Variants in HDAC7 observed in about 807,000 individuals in gnomAD.
HDAC7 encodes histone deacetylase 7A.
Under a neutral mutation model 115.5 loss-of-function variants are expected in HDAC7, and 26 were observed. The observed-to-expected ratio is 0.23, with a 90% CI of 0.16 to 0.31. The LOEUF is 0.31. Ranked by LOEUF, HDAC7 falls within the 10% of genes least tolerant of loss-of-function variation. The pLI, the probability that HDAC7 is intolerant of heterozygous loss-of-function variation, is 1.00. For missense variants in HDAC7, 1,068 were observed against 1,329.0 expected, an observed-to-expected ratio of 0.80 and a Z score of 3.05; for synonymous variants, 564 against 550.9, an observed-to-expected ratio of 1.02 and a Z score of -0.33.
rs1318020160 is a variant in HDAC7, at chr12:47,803,241, A to G, written c.20-967T>C. Among the ~76,000 whole-genome samples, 1 of 152,188 alleles carries G rather than the reference A, an allele frequency of 6.6e-6. No individual in the cohort carries two copies. Among genetic ancestry groups the G allele is most frequent in the African/African-American group, 2.4e-5 (1 of 41,452 alleles). On this transcript the variant is annotated intron_variant, in intron 1 of 25. Transcript: ENST00000080059. This position sits in a 1 kb window ranked among gnomAD's most constrained non-coding sequence, Gnocchi z 4.0. The stretch of plus-strand genomic sequence containing the variant: ...GGGGACAGGAGGCCAGGAGACCCAG[A>G]GGCTGCCTGGACGGGGTACTGGGTG...
At chr12:47,785,681 T>TC in intron 23 of HDAC7, 71 bp downstream of exon 23, 1 of 1,525,304 alleles carries the variant, frequency 6.6e-7, no homozygotes, top group Non-Finnish European at 8.8e-7. Context: ...ATCTGCCTGC[T>TC]CCTTGGGTAG....
intron 1 of HDAC7, among the ~76,000 whole-genome samples, chr12:47,810,840 C>A (rs12826578): frequency 2.6e-4 from 25 of 95,352 alleles, no homozygotes; most frequent in Non-Finnish European, 5.5e-4. Flanking sequence ...CTCTCTCTCT[C>A]TCTCTCTATC....
In HDAC7 at chr12:47,798,475, TCCCACCTCA is replaced by T; in HGVS notation, c.349+78_349+86del. The stretch of plus-strand genomic sequence containing the variant: ...GCTCAGGCCCAGCTGGCTGCGGCCC[TCCCACCTCA>T]CCCCTCACAAGCCACACAGGCAGCC... On this transcript the variant is annotated intron_variant, in intron 4 of 25. Transcript: ENST00000080059. The surrounding 1 kb of genome is among the most constrained non-coding windows in gnomAD (Gnocchi z 4.3). The T allele has an allele frequency of 1.1e-5, 14 of 1,258,386 alleles. No individual in the cohort carries two copies. The highest frequency in any genetic ancestry group is 1.5e-5 in the Non-Finnish European group (13 of 872,864). The allele number at this position is 1,258,386 out of a possible 1,614,324, so 78.0% of individuals were successfully genotyped here. A position where few individuals can be genotyped will look rare whatever the true frequency, so the allele number is the denominator to read the frequency against.
At chr12:47,821,340 G>A (rs762483272), upstream of HDAC7, among the ~76,000 whole-genome samples, 1 of 152,114 alleles carries the variant, frequency 6.6e-6, no homozygotes, top group Non-Finnish European at 1.5e-5. Flanking sequence ...ATTCAGCGTG[G>A]GACTTCTTAC....
chr12:47,796,900 T>C, intron 7 of HDAC7, 117 bp downstream of exon 7: 1 of 1,196,506 alleles, frequency 8.4e-7, no homozygotes. Flanking sequence ...GACACCCCCA[T>C]GCAACCACGC....
chr12:47,802,427 A>G lies in HDAC7; in HGVS notation c.20-153T>C, dbSNP rs532197316. 495 of 1,545,330 alleles carry G rather than the reference A, an allele frequency of 3.2e-4. 2 individuals are homozygous for G. In the African/African-American group the frequency reaches 6.2e-3, roughly 19 times the overall value. ...CCACCAGAAGCTAATCAAAACGAGA[A>G]GACCCCACCCCATTCGACTCCTCCA... On this transcript the variant is annotated intron_variant, in intron 1 of 25. Coordinates refer to ENST00000080059, the MANE Select transcript of HDAC7 (RefSeq NM_015401.5).
chr12:47,797,471 C>G lies in HDAC7; in HGVS notation c.490G>C (p.Ala164Pro). The G allele has an allele frequency of 6.2e-7, 1 of 1,613,270 alleles. No homozygotes were observed. The highest frequency in any genetic ancestry group is 8.5e-7 in the Non-Finnish European group (1 of 1,179,546). The change falls in exon 6 of 26, where the codon GCC becomes CCC. Residue 164 changes from alanine to proline, a missense_variant. Ala to Pro is a conservative substitution (Grantham distance 27). This residue lies in a region of HDAC7 where 618 missense variants were observed against 701.5 expected (regional missense o/e 0.88). Transcript: ENST00000080059. This position sits in a 1 kb window ranked among gnomAD's most constrained non-coding sequence, Gnocchi z 5.5. The part of the protein sequence containing the change: ...RTLEPLETEG[A>P]TRSMLSSFLP... ...AAGCTGCTGAGCATGGAGCGGGTGG[C>G]TCCTTCCGTCTCCAGGGGCTCCAGG...
chr12:47,784,435 G>T, intron 24 of HDAC7: 1 of 611,138 alleles, frequency 1.6e-6, no homozygotes, highest in Non-Finnish European at 2.9e-6. Flanking sequence ...ACATGGCTGT[G>T]AGGGAGTCCT....
Position 47,795,099 on chromosome 12 carries a change from C to T in HDAC7, c.1284+85G>A, listed in dbSNP as rs772888030. On this transcript the variant is annotated intron_variant, in intron 11 of 25. Transcript: ENST00000080059. This position sits in a 1 kb window ranked among gnomAD's most constrained non-coding sequence, Gnocchi z 4.3. Reference sequence around the variant, plus strand: ...CCCTCTTTTGCCCTCCAGTTCCCTGCCCTTTCTAAGTACCCCTCTTCTTTT... The same window carrying T: ...CCCTCTTTTGCCCTCCAGTTCCCTGTCCTTTCTAAGTACCCCTCTTCTTTT... 4.4e-6 allele frequency: 6 copies of T among 1,356,516 alleles called. No individual in the cohort carries two copies. Among genetic ancestry groups the T allele is most frequent in the Non-Finnish European group, 6.2e-6 (6 of 971,668 alleles). The allele number at this position is 1,356,516 out of a possible 1,614,324, so 84.0% of individuals were successfully genotyped here.
chr12:47,793,610 G>A lies in HDAC7; in HGVS notation c.1459-22C>T. 6.6e-7 allele frequency: 1 copy of A among 1,512,946 alleles called. No homozygotes were observed. The highest frequency in any genetic ancestry group is 2.5e-5 in the East Asian group (1 of 40,358). The allele number at this position is 1,512,946 out of a possible 1,614,324, so 93.7% of individuals were successfully genotyped here. A position where few individuals can be genotyped will look rare whatever the true frequency, so the allele number is the denominator to read the frequency against. On this transcript the variant is annotated intron_variant, in intron 12 of 25. Transcript: ENST00000080059. The surrounding 1 kb of genome is among the most constrained non-coding windows in gnomAD (Gnocchi z 4.5). Reference sequence around the variant, plus strand: ...ACACCTAGGGGAAAGATGGGGCCTTGGTCTCCAGTGTTTCAGGGTCCTGCT... The same window carrying A: ...ACACCTAGGGGAAAGATGGGGCCTTAGTCTCCAGTGTTTCAGGGTCCTGCT...
Position 47,797,530 on chromosome 12 carries a change from G to T in HDAC7, c.462-31C>A. ...GAACGAGTGCCAAGGCTGCTTCAGAGGTGTGGGGACACTGCACGGGCACTG... is the reference window on the plus strand; with the variant it reads ...GAACGAGTGCCAAGGCTGCTTCAGATGTGTGGGGACACTGCACGGGCACTG... On this transcript the variant is annotated intron_variant, in intron 5 of 25. Coordinates refer to ENST00000080059, the MANE Select transcript of HDAC7 (RefSeq NM_015401.5). The surrounding 1 kb of genome is among the most constrained non-coding windows in gnomAD (Gnocchi z 5.5). 6.5e-7 allele frequency: 1 copy of T among 1,540,602 alleles called. No individual in the cohort carries two copies. Among genetic ancestry groups the T allele is most frequent in the Non-Finnish European group, 8.9e-7 (1 of 1,123,298 alleles).
chr12:47,819,737 C>T, intron 1 of HDAC7, 30 bp downstream of exon 1: 4 of 758,242 alleles, frequency 5.3e-6, no homozygotes, highest in Non-Finnish European at 6.4e-6. Flanking sequence ...GCGCGCAGGG[C>T]GGGGCGGGGG....
chr12:47,809,511 G>A (rs1001066989), intron 1 of HDAC7, among the ~76,000 whole-genome samples: 4 of 152,112 alleles, frequency 2.6e-5, no homozygotes, highest in Non-Finnish European at 5.9e-5. Context: ...ACTGTGTGCT[G>A]GCTATTATCC....
Position 47,783,743 on chromosome 12 carries a change from A to G in HDAC7, c.*98T>C. 1 of 1,245,692 alleles carries G rather than the reference A, an allele frequency of 8.0e-7. No individual in the cohort carries two copies. The highest frequency in any genetic ancestry group is 1.2e-6 in the Non-Finnish European group (1 of 862,710). 77.2% of individuals were successfully genotyped at this position (1,245,692 alleles called of 1,614,324 possible). The stretch of plus-strand genomic sequence containing the variant: ...GTTCTCTGGTTCCAACTACTTGCCC[A>G]CAGGATCTCTAAAGACCCAGGAATG... On this transcript the variant is annotated 3_prime_UTR_variant, in exon 26 of 26. Transcript: ENST00000080059.
chr12:47,794,648 T>C (rs1943706604), intron 12 of HDAC7, 112 bp downstream of exon 12: 3 of 1,119,380 alleles, frequency 2.7e-6, no homozygotes, highest in Admixed American at 6.3e-5. Context: ...CAACCATGGG[T>C]CCTAGAGCTG....
Position 47,796,187 on chromosome 12 carries a change from C to A in HDAC7, c.795+20G>T. 1 of 1,594,774 alleles carries A rather than the reference C, an allele frequency of 6.3e-7. No individual in the cohort carries two copies. ...GCCTCAGAACTGCCCCAGGAGAGCC[C>A]AGTCTCGGCAAGGCCTTACCTCCGA... On this transcript the variant is annotated intron_variant, in intron 8 of 25. Coordinates refer to ENST00000080059, the MANE Select transcript of HDAC7 (RefSeq NM_015401.5).
intron 1 of HDAC7, among the ~76,000 whole-genome samples, chr12:47,818,847 G>A (rs1252625475): frequency 6.6e-6 from 1 of 152,228 alleles, no homozygotes; most frequent in African/African-American, 2.4e-5. Context: ...CGTGGCTGGG[G>A]AGGTCAGACC....
In HDAC7 at chr12:47,798,200, C is replaced by G; in HGVS notation, c.369G>C (p.Val123=). The G allele has an allele frequency of 6.2e-7, 1 of 1,613,780 alleles. No homozygotes were observed. Among genetic ancestry groups the G allele is most frequent in the Non-Finnish European group, 8.5e-7 (1 of 1,179,888 alleles). Residue 123 remains valine (V), a synonymous_variant, in exon 5 of 26, where the codon GTG becomes GTC. Transcript: ENST00000080059. The surrounding 1 kb of genome is among the most constrained non-coding windows in gnomAD (Gnocchi z 4.3). Reference sequence around the variant, plus strand: ...TCACCTCCGCTAGCTTCTGCTTGACCACGCTGCTGGCTACAGCACCTGTAG... The same window carrying G: ...TCACCTCCGCTAGCTTCTGCTTGACGACGCTGCTGGCTACAGCACCTGTAG... ...KSKRSAVASS[V]VKQKLAEVIL...
chr12:47,792,076 G>A (rs886364742), intron 13 of HDAC7, 72 bp from the exon 14 acceptor site: 24 of 1,484,228 alleles, frequency 1.6e-5, no homozygotes, highest in South Asian at 6.6e-5. Context: ...CAGAGAACAC[G>A]CCAGCACCGC....
Sources: allele counts gnomAD v4.1 joint callset (sites outside exome capture counted in the v4.1 genomes callset), GRCh38; gene constraint gnomAD v4.1.1; regional missense constraint gnomAD v4.1.1; non-coding constraint Gnocchi (gnomAD v3.1); transcripts MANE v1.5; gene names NCBI Gene and HGNC (gene_info 2026-07-23, HGNC 2026-07-21).